The following TRPM3 variants were observed in gnomAD, a reference collection of about 807,000 sequenced individuals.
TRPM3 encodes the protein transient receptor potential cation channel subfamily M member 3, also known as long transient receptor potential channel 3.
A neutral mutation model predicts 181.2 loss-of-function variants in TRPM3; 77 were observed. The ratio of observed to expected loss-of-function variants is 0.42; its 90% CI spans 0.35 to 0.51. The LOEUF is 0.51. Ranked by LOEUF, TRPM3 falls within the 20% of genes least tolerant of loss-of-function variation. The pLI is 0.01. For synonymous variants in TRPM3, 745 were observed against 796.4 expected, an observed-to-expected ratio of 0.94 and a Z score of 1.09; for missense variants, 1,759 against 2,196.7, an observed-to-expected ratio of 0.80 and a Z score of 3.98.
chr9:70,776,713 T>C (rs1330326948), intron 7 of TRPM3, among the ~76,000 whole-genome samples: 1 of 152,152 alleles, frequency 6.6e-6, no homozygotes, highest in Non-Finnish European at 1.5e-5. Flanking sequence ...ATGGTAAATA[T>C]GTTTTTCAAG....
At chr9:70,571,882 G>C (rs2052492816) in intron 22 of TRPM3, among the ~76,000 whole-genome samples, 1 of 152,158 alleles carries the variant, frequency 6.6e-6, no homozygotes, top group Non-Finnish European at 1.5e-5. Flanking sequence ...AGAGCAGAAA[G>C]AGGCTTCTGC....
chr9:71,061,209 C>A (rs1172354614), intron 1 of TRPM3, among the ~76,000 whole-genome samples: 1 of 152,114 alleles, frequency 6.6e-6, no homozygotes, highest in Non-Finnish European at 1.5e-5. Flanking sequence ...AGGTCAGTAG[C>A]TTACTGTGTG....
intron 1 of TRPM3, among the ~76,000 whole-genome samples, chr9:71,295,388 TTAAC>T (rs35721613): frequency 0.18 from 27,909 of 151,698 alleles, 2,610 homozygotes; most frequent in African/African-American, 0.25. Context: ...ATACAAGTGA[TTAAC>T]TATGATAAAA....
At chr9:71,318,227 T>C (rs1208756726) in intron 1 of TRPM3, among the ~76,000 whole-genome samples, 1 of 152,138 alleles carries the variant, frequency 6.6e-6, no homozygotes, top group African/African-American at 2.4e-5. Context: ...AAATCAGGGG[T>C]TTTAAAATAG....
At chr9:70,934,910 G>A (rs756777810) in intron 1 of TRPM3, among the ~76,000 whole-genome samples, 6 of 152,028 alleles carry the variant, frequency 3.9e-5, no homozygotes, top group Non-Finnish European at 5.9e-5. Flanking sequence ...AAAATGATTG[G>A]GTATTCTTGT....
chr9:71,332,974 A>G (rs544302735), intron 1 of TRPM3, among the ~76,000 whole-genome samples: 44 of 152,044 alleles, frequency 2.9e-4, no homozygotes, highest in African/African-American at 9.9e-4. Context: ...CTTCCAAAAC[A>G]TGGTGTATTA....
At chr9:71,349,968 CATATAT>C (rs758622802) in intron 1 of TRPM3, among the ~76,000 whole-genome samples, 2 of 67,938 alleles carry the variant, frequency 2.9e-5, no homozygotes, top group African/African-American at 5.1e-5. Context: ...ATTGTAAGTG[CATATAT>C]ATATATATAT....
intron 1 of TRPM3, among the ~76,000 whole-genome samples, chr9:71,420,903 A>AGAGGGAGAGAAG (rs1287651363): frequency 2.2e-5 from 2 of 90,764 alleles, no homozygotes; most frequent in African/African-American, 8.5e-5. Context: ...GGGAGAGAAA[A>AGAGGGAGAGAAG]AGGGAGAGAA....
At chr9:71,437,047 G>C (rs1387169079) in intron 1 of TRPM3, among the ~76,000 whole-genome samples, 1 of 152,076 alleles carries the variant, frequency 6.6e-6, no homozygotes, top group Admixed American at 6.6e-5. Context: ...TGAATACAAT[G>C]CCCCAATTAA....
intron 1 of TRPM3, among the ~76,000 whole-genome samples, chr9:71,326,801 T>A (rs1260759529): frequency 6.6e-6 from 1 of 152,170 alleles, no homozygotes; most frequent in Non-Finnish European, 1.5e-5. Context: ...GGGGCCCTGA[T>A]AATGAACCTT....
chr9:71,436,491 CG>C (rs35749098), intron 1 of TRPM3, among the ~76,000 whole-genome samples: 150,865 of 151,500 alleles, frequency 1, 75,118 homozygotes, highest in East Asian at 1. Flanking sequence ...TTAGTAGAGA[CG>C]GGGGGTTTCA....
chr9:71,021,504 G>A (rs1285988107), intron 1 of TRPM3, among the ~76,000 whole-genome samples: 2 of 152,136 alleles, frequency 1.3e-5, no homozygotes, highest in African/African-American at 4.8e-5. Flanking sequence ...AAATAGACAA[G>A]GGGTTGTTAC....
intron 9 of TRPM3, among the ~76,000 whole-genome samples, chr9:70,648,568 T>A (rs1031296523): frequency 1.3e-5 from 2 of 151,882 alleles, no homozygotes; most frequent in African/African-American, 4.8e-5. Context: ...GCTGGAGGCA[T>A]CACACTACCT....
intron 6 of TRPM3, among the ~76,000 whole-genome samples, chr9:70,820,828 G>C (rs913995674): frequency 6.6e-6 from 1 of 152,036 alleles, no homozygotes; most frequent in Non-Finnish European, 1.5e-5. Flanking sequence ...CAAGGTCACA[G>C]AGCCCTGACA....
chr9:70,646,766 A>G (rs1161889912), intron 9 of TRPM3, among the ~76,000 whole-genome samples: 5 of 152,014 alleles, frequency 3.3e-5, no homozygotes, highest in African/African-American at 1.2e-4. Context: ...GAAAAAATAC[A>G]TAAGATTGAT....
At chr9:70,859,119 G>C (rs1201972733) in intron 3 of TRPM3, among the ~76,000 whole-genome samples, 3 of 152,196 alleles carry the variant, frequency 2.0e-5, no homozygotes, top group Non-Finnish European at 4.4e-5. Context: ...CATCCACTGA[G>C]AGTTGGGGCT....
intron 1 of TRPM3, among the ~76,000 whole-genome samples, chr9:71,084,166 G>A (rs1263364674): frequency 1.3e-5 from 2 of 151,948 alleles, no homozygotes; most frequent in East Asian, 3.9e-4. Context: ...TGTGATTCTC[G>A]TGGCATCCTT....
rs754568676 is a variant in TRPM3 at position 70,536,913 on chromosome 9, G to A, written c.4200C>T (p.Ala1400=). ...KAPAAPANTL[A]IVPDSRRPSS... ...ATGGTCTTCTGGAATCAGGAACAAT[G>A]GCCAAGGTGTTGGCAGGGGCTGCAG... The change falls in exon 26 of 26, where the codon GCC becomes GCT. Residue 1400 remains alanine (A), a synonymous_variant. Coordinates refer to ENST00000677713, the MANE Select transcript of TRPM3 (RefSeq NM_001366145.2). 16 of 1,614,102 alleles carry A rather than the reference G, an allele frequency of 9.9e-6. No homozygotes were observed. The East Asian group carries it at 2.5e-4, about 25-fold the overall frequency.
At chr9:70,850,193 G>C (rs868690206) in intron 3 of TRPM3, among the ~76,000 whole-genome samples, 18 of 152,170 alleles carry the variant, frequency 1.2e-4, no homozygotes, top group Middle Eastern at 6.8e-3. Flanking sequence ...ATGAAAAATG[G>C]CATCTTTTGT....
Sources: allele counts gnomAD v4.1 joint callset (sites outside exome capture counted in the v4.1 genomes callset), GRCh38; gene constraint gnomAD v4.1.1; transcripts MANE v1.5; gene names NCBI Gene and HGNC (gene_info 2026-07-23, HGNC 2026-07-21).